The following CCDC85A variants were observed in gnomAD, a reference collection of about 807,000 sequenced individuals.
The protein encoded by CCDC85A is coiled-coil domain containing 85A.
CCDC85A carries 38 observed loss-of-function variants against 50.2 expected under a neutral mutation model. That is an observed-to-expected ratio of 0.76 (90% CI 0.58 to 0.99). CCDC85A has a LOEUF of 0.99. Among genes scored for constraint, CCDC85A ranks in the 50% least tolerant of loss-of-function variants. The pLI is 0.00. For missense variants in CCDC85A, 820 were observed against 742.0 expected (o/e 1.11, Z -1.22); for synonymous variants, 366 against 301.4 (o/e 1.21, Z -2.22).
intron 2 of CCDC85A, among the ~76,000 whole-genome samples, chr2:56,247,790 T>C (rs1364119603): frequency 6.6e-6 from 1 of 152,254 alleles, no homozygotes; most frequent in Admixed American, 6.5e-5. Flanking sequence ...AAATACTGCC[T>C]TGTTTAATTC....
intron 2 of CCDC85A, among the ~76,000 whole-genome samples, chr2:56,208,646 G>A (rs1370882423): frequency 1.3e-5 from 2 of 152,046 alleles, no homozygotes; most frequent in Admixed American, 1.3e-4. Flanking sequence ...TTCAGAGAGA[G>A]AAGCTTTCAC....
chr2:56,323,684 A>G (rs546947982), intron 2 of CCDC85A, among the ~76,000 whole-genome samples: 1 of 152,252 alleles, frequency 6.6e-6, no homozygotes, highest in South Asian at 2.1e-4. Context: ...CTAAACCTCT[A>G]TACAAAAGGC....
chr2:56,316,245 A>G (rs530617535), intron 2 of CCDC85A, among the ~76,000 whole-genome samples: 2 of 152,302 alleles, frequency 1.3e-5, no homozygotes, highest in Non-Finnish European at 2.9e-5. Context: ...GCTTTTAACC[A>G]TTAATCTCTG....
intron 5 of CCDC85A, among the ~76,000 whole-genome samples, chr2:56,380,558 T>C (rs575410809): frequency 3.4e-5 from 5 of 147,058 alleles, no homozygotes; most frequent in African/African-American, 1.3e-4. Flanking sequence ...AGACCCTGTC[T>C]CAAAAAAAAA....
chr2:56,299,529 C>T (rs1178102571), intron 2 of CCDC85A, among the ~76,000 whole-genome samples: 1 of 152,098 alleles, frequency 6.6e-6, no homozygotes, highest in African/African-American at 2.4e-5. Flanking sequence ...CCACTGAAAA[C>T]AGATTTCCTG....
chr2:56,339,021 A>G (rs1166383616), intron 2 of CCDC85A, among the ~76,000 whole-genome samples: 2 of 152,184 alleles, frequency 1.3e-5, no homozygotes, highest in Non-Finnish European at 2.9e-5. Context: ...TAATAATTGC[A>G]ACAGGGGCTA....
intron 2 of CCDC85A, among the ~76,000 whole-genome samples, chr2:56,332,598 A>G (rs891279150): frequency 6.6e-6 from 1 of 151,878 alleles, no homozygotes; most frequent in Non-Finnish European, 1.5e-5. Flanking sequence ...GCACTCCCCA[A>G]CAGGTGCTCT....
chr2:56,303,504 T>A (rs368293176), intron 2 of CCDC85A, among the ~76,000 whole-genome samples: 28 of 152,252 alleles, frequency 1.8e-4, no homozygotes, highest in African/African-American at 5.8e-4. Flanking sequence ...AGAACTTGAT[T>A]TGAACCCTGA....
intron 2 of CCDC85A, among the ~76,000 whole-genome samples, chr2:56,326,430 T>A (rs566791397): frequency 6.6e-6 from 1 of 152,300 alleles, no homozygotes; most frequent in South Asian, 2.1e-4. Context: ...TGTTGTTGCC[T>A]AGTAAGTATT....
rs567437088 is a variant in CCDC85A at position 56,209,519 on chromosome 2, T to C, written c.1240+16079T>C. On this transcript the variant is annotated intron_variant, in intron 2 of 5. Transcript: ENST00000407595. ...GACAGAGAATGGCCTTTTTTGTTGA[T>C]TGTTTAATACTTTGGGGCAAAGGTT... Among the ~76,000 whole-genome samples, 313 of 152,088 alleles carry C rather than the reference T, an allele frequency of 2.1e-3. 7 individuals carry two copies. Among genetic ancestry groups the C allele is most frequent in the Non-Finnish European group, 2.3e-3 (154 of 67,960 alleles).
intron 2 of CCDC85A, among the ~76,000 whole-genome samples, chr2:56,310,816 G>A (rs188788791): frequency 1.4e-4 from 21 of 152,292 alleles, no homozygotes; most frequent in African/African-American, 4.1e-4. Flanking sequence ...CAGAAAGTGA[G>A]GATTAGTTCC....
intron 2 of CCDC85A, among the ~76,000 whole-genome samples, chr2:56,243,877 G>T (rs187532460): frequency 6.6e-6 from 1 of 152,362 alleles, no homozygotes; most frequent in Admixed American, 6.5e-5. Context: ...TGATACCATA[G>T]TTCTTGCAGA....
At chr2:56,373,914 G>C (rs1028177393) in intron 4 of CCDC85A, among the ~76,000 whole-genome samples, 1 of 152,264 alleles carries the variant, frequency 6.6e-6, no homozygotes, top group Non-Finnish European at 1.5e-5. Flanking sequence ...TGATTCCAAA[G>C]GATCCAAAGT....
intron 2 of CCDC85A, among the ~76,000 whole-genome samples, chr2:56,220,197 C>G (rs1236700841): frequency 6.6e-6 from 1 of 151,882 alleles, no homozygotes; most frequent in Non-Finnish European, 1.5e-5. Flanking sequence ...TTTGTCAGTA[C>G]AGGCACAAAT....
intron 2 of CCDC85A, among the ~76,000 whole-genome samples, chr2:56,262,945 T>TC (rs1324709769): frequency 2.6e-5 from 4 of 152,160 alleles, no homozygotes; most frequent in Admixed American, 6.5e-5. Context: ...TTCCATTGCT[T>TC]CAAAAATAAG....
intron 2 of CCDC85A, among the ~76,000 whole-genome samples, chr2:56,277,500 A>G (rs1207630764): frequency 6.6e-6 from 1 of 152,194 alleles, no homozygotes; most frequent in African/African-American, 2.4e-5. Context: ...GACACTGGAG[A>G]CATGGAAGCA....
Position 56,193,294 on chromosome 2 carries a change from A to G in CCDC85A, c.1094A>G (p.His365Arg), listed in dbSNP as rs1265030059. Residue 365 changes from histidine to arginine, a missense_variant, in exon 2 of 6, where the codon CAT becomes CGT. Coordinates refer to ENST00000407595, the MANE Select transcript of CCDC85A (RefSeq NM_001080433.2). ...RGTSPEHLKQ[H>R]YGGSPDHKHG... ...ACCAGCCCGGAGCACCTCAAACAAC[A>G]TTATGGAGGGAGCCCTGATCACAAA... The G allele has an allele frequency of 6.2e-7, 1 of 1,613,848 alleles. No homozygotes were observed. Among genetic ancestry groups the G allele is most frequent in the South Asian group, 1.1e-5 (1 of 91,068 alleles).
chr2:56,273,841 G>A (rs960005123), intron 2 of CCDC85A, among the ~76,000 whole-genome samples: 2 of 151,988 alleles, frequency 1.3e-5, no homozygotes, highest in African/African-American at 4.8e-5. Flanking sequence ...AATATCTGAT[G>A]TTTGTTCATT....
At chr2:56,314,258 T>C (rs1304772904) in intron 2 of CCDC85A, among the ~76,000 whole-genome samples, 1 of 148,604 alleles carries the variant, frequency 6.7e-6, no homozygotes, top group Non-Finnish European at 1.5e-5. Flanking sequence ...TGGGGTCAGA[T>C]GTGTGATGGT....
Sources: allele counts gnomAD v4.1 joint callset (sites outside exome capture counted in the v4.1 genomes callset), GRCh38; gene constraint gnomAD v4.1.1; transcripts MANE v1.5; gene names NCBI Gene and HGNC (gene_info 2026-07-23, HGNC 2026-07-21).